Variants in FNBP1 observed in about 807,000 individuals in gnomAD.
FNBP1 encodes formin-binding protein 1.
A neutral mutation model predicts 90.6 loss-of-function variants in FNBP1; 26 were observed. The observed-to-expected ratio is 0.29, with a 90% CI of 0.21 to 0.40. The LOEUF (loss-of-function observed/expected upper bound fraction) is 0.40. Among genes scored for constraint, FNBP1 ranks in the 10% least tolerant of loss-of-function variants. The pLI is 1.00. For missense variants in FNBP1, 635 were observed against 768.0 expected (o/e 0.83, Z 2.05); for synonymous variants, 260 against 265.2 (o/e 0.98, Z 0.19).
chr9:129,892,986 A>G (rs939807023), intron 16 of FNBP1, among the ~76,000 whole-genome samples: 1 of 152,204 alleles, frequency 6.6e-6, no homozygotes, highest in Non-Finnish European at 1.5e-5. Context: ...AAAAATACAC[A>G]GCTTGACAGA....
At chr9:129,983,648 T>C (rs1361268202) in intron 2 of FNBP1, among the ~76,000 whole-genome samples, 1 of 151,970 alleles carries the variant, frequency 6.6e-6, no homozygotes, top group Admixed American at 6.6e-5. Context: ...CCATCTCTAC[T>C]AAAAATGCAA....
Position 129,957,429 on chromosome 9 carries a change from C to T in FNBP1, c.444G>A (p.Ala148=), listed in dbSNP as rs374411533. ...KRRFERDCKE[A]DRAQQYFEKM... ...TCTCAAAGTACTGCTGCGCCCTGTC[C>T]GCCTCTTTGCAATCGCGTTCAAATC... Residue 148 remains alanine, a synonymous_variant, in exon 6 of 17, where the codon GCG becomes GCA. Coordinates refer to ENST00000446176, the MANE Select transcript of FNBP1 (RefSeq NM_015033.3). The surrounding 1 kb of genome is among the most constrained non-coding windows in gnomAD (Gnocchi z 4.3). 6.1e-5 allele frequency: 99 copies of T among 1,613,786 alleles called. No individual in the cohort carries two copies. The African/African-American group carries it at 1.2e-3, about 20-fold the overall frequency.
At chr9:130,037,748 T>A (rs1020177391) in intron 1 of FNBP1, among the ~76,000 whole-genome samples, 14 of 152,150 alleles carry the variant, frequency 9.2e-5, no homozygotes, top group African/African-American at 3.4e-4. Context: ...AAATAGTCTA[T>A]TTTCCAAAAA....
chr9:129,998,232 G>A (rs796445194), intron 1 of FNBP1, among the ~76,000 whole-genome samples: 15 of 150,064 alleles, frequency 1.0e-4, no homozygotes, highest in African/African-American at 2.4e-4. Flanking sequence ...GGCCGGGCGC[G>A]GTGGCTCACA....
At position 129,915,979 on chromosome 9, in the gene FNBP1, A is replaced by C; in HGVS notation, c.1172T>G (p.Leu391Arg). The change falls in exon 11 of 17, where the codon CTT (leucine) becomes CGT (arginine). Residue 391 changes from leucine (L) to arginine (R), a missense_variant and splice_region_variant. Coordinates refer to ENST00000446176, the MANE Select transcript of FNBP1 (RefSeq NM_015033.3). ...IHCFRSLKRG[L>R]SLKLGATPED... ...AATTGTGCTTACCAGCTTGAGAGAAAGCTTCATGTAAAAATTGGAGAGGTA... is the reference window on the plus strand; with the variant it reads ...AATTGTGCTTACCAGCTTGAGAGAACGCTTCATGTAAAAATTGGAGAGGTA... 6.2e-7 allele frequency: 1 copy of C among 1,608,590 alleles called. No individual in the cohort carries two copies. Among genetic ancestry groups the C allele is most frequent in the Non-Finnish European group, 8.5e-7 (1 of 1,175,560 alleles).
At chr9:129,892,413 ACAC>A (rs2035209160) in intron 16 of FNBP1, among the ~76,000 whole-genome samples, 2 of 129,520 alleles carry the variant, frequency 1.5e-5, no homozygotes. Context: ...ACACACACAC[ACAC>A]AAAAAGGTTG....
Position 129,929,546 on chromosome 9 carries a change from TGA to T in FNBP1, c.642+19_642+20del, listed in dbSNP as rs1225422394. 1.2e-6 allele frequency: 2 copies of T among 1,610,696 alleles called. No individual in the cohort carries two copies. Among genetic ancestry groups the T allele is most frequent in the African/African-American group, 2.7e-5 (2 of 74,784 alleles). ...AAAGCAAAGCATAAAACATGAAATC[TGA>T]GAGATGTTCAGGACTTACCTGGAAG... On this transcript the variant is annotated intron_variant, in intron 7 of 16. Transcript: ENST00000446176.
At chr9:129,907,030 C>G (rs7872383) in intron 12 of FNBP1, among the ~76,000 whole-genome samples, 118,838 of 151,804 alleles carry the variant, frequency 0.78, 46,849 homozygotes, top group East Asian at 0.9. Flanking sequence ...CGCCCGCCTC[C>G]GCCTCCCAAA....
At position 129,931,677 on chromosome 9, in the gene FNBP1, G is replaced by A. The variant is rs367654071; in HGVS notation, c.514-1982C>T. On this transcript the variant is annotated intron_variant, in intron 6 of 16. Transcript: ENST00000446176. ...GTTGGGTGTGGTGATGTGTGCCTGT[G>A]GTCCCAGCTACTTGGGAGACTGAGG... Among the ~76,000 whole-genome samples the A allele has an allele frequency of 1.3e-4, 19 of 149,942 alleles. 1 individual carries two copies. In the East Asian group the frequency reaches 3.4e-3, roughly 26 times the overall value.
chr9:129,931,953 C>G (rs933900853), intron 6 of FNBP1, among the ~76,000 whole-genome samples: 1 of 151,978 alleles, frequency 6.6e-6, no homozygotes, highest in African/African-American at 2.4e-5. Context: ...TGCCTCACGC[C>G]TGTAATCCCA....
At chr9:129,976,663 G>A (rs891380438) in intron 4 of FNBP1, among the ~76,000 whole-genome samples, 3 of 152,148 alleles carry the variant, frequency 2.0e-5, no homozygotes, top group Admixed American at 6.6e-5. Context: ...CCTTAACTGC[G>A]AAGTCCCTTG....
chr9:130,007,817 A>C (rs1018338206), intron 1 of FNBP1, among the ~76,000 whole-genome samples: 26 of 152,068 alleles, frequency 1.7e-4, no homozygotes, highest in Non-Finnish European at 3.2e-4. Context: ...GGAGTTCAAG[A>C]CCAGCCTGGC....
intron 10 of FNBP1, among the ~76,000 whole-genome samples, chr9:129,919,556 C>A (rs2295953): frequency 6.6e-6 from 1 of 152,126 alleles, no homozygotes; most frequent in Admixed American, 6.5e-5. Context: ...AATGTTCTGG[C>A]GGCATCTCTA....
intron 2 of FNBP1, among the ~76,000 whole-genome samples, chr9:129,994,529 T>C (rs1296740163): frequency 1.3e-5 from 2 of 152,206 alleles, no homozygotes; most frequent in Non-Finnish European, 2.9e-5. Context: ...TGCACACTTA[T>C]GATTTGTGTA....
At chr9:129,915,213 C>A (rs909571894) in intron 11 of FNBP1, among the ~76,000 whole-genome samples, 1 of 152,112 alleles carries the variant, frequency 6.6e-6, no homozygotes, top group African/African-American at 2.4e-5. Flanking sequence ...TGGGTAGCAG[C>A]TGCTGGCTGG....
chr9:130,034,404 G>A lies in FNBP1; in HGVS notation c.24+8548C>T, dbSNP rs2059125053. Among the ~76,000 whole-genome samples the A allele has an allele frequency of 2.6e-5, 4 of 151,544 alleles. No individual in the cohort carries two copies. The South Asian group carries it at 8.4e-4, about 32-fold the overall frequency. On this transcript the variant is annotated intron_variant, in intron 1 of 16. Coordinates refer to ENST00000446176, the MANE Select transcript of FNBP1 (RefSeq NM_015033.3). ...AGGCTGAGGCGAAAGGCTCATTTGG[G>A]CCCAGGAGATTGAGGCTGCAGCGAG...
intron 11 of FNBP1, among the ~76,000 whole-genome samples, chr9:129,909,447 G>A (rs1369572553): frequency 6.6e-6 from 1 of 151,934 alleles, no homozygotes; most frequent in African/African-American, 2.4e-5. Context: ...TTTCCCTAGC[G>A]TGAGTATTCC....
intron 11 of FNBP1, among the ~76,000 whole-genome samples, chr9:129,914,393 C>A (rs1034940337): frequency 4.6e-5 from 7 of 151,898 alleles, no homozygotes; most frequent in Non-Finnish European, 1.0e-4. Flanking sequence ...CAATTCAATA[C>A]CAAGTTGGTA....
intron 1 of FNBP1, chr9:130,014,147 G>A: frequency 2.3e-6 from 1 of 442,512 alleles, no homozygotes; most frequent in Non-Finnish European, 4.5e-6. Flanking sequence ...GCAAAATTCT[G>A]AACACTCAAA....
Sources: gnomAD v4.1 joint callset for allele counts (sites outside exome capture counted in the v4.1 genomes callset) on GRCh38, gnomAD v4.1.1 for gene constraint, Gnocchi (gnomAD v3.1) non-coding constraint, MANE v1.5 for transcripts, NCBI Gene and HGNC (gene_info 2026-07-23, HGNC 2026-07-21) for gene names.